BTBD9: variants seen among roughly 807,000 people sequenced by gnomAD.
BTBD9 encodes the protein BTB/POZ domain-containing protein 9.
In BTBD9, 49 loss-of-function variants were observed where a neutral mutation model predicts 64.3. The observed-to-expected ratio is 0.76, with a 90% CI of 0.61 to 0.97. The LOEUF is 0.97. BTBD9 is among the 50% of genes least tolerant of loss of function. BTBD9 has a pLI of 0.00. For missense variants in BTBD9, 598 were observed against 762.1 expected (o/e 0.78, Z 2.53); for synonymous variants, 260 against 274.7 (o/e 0.95, Z 0.53).
At chr6:38,409,028 T>A (rs1767292517) in intron 6 of BTBD9, among the ~76,000 whole-genome samples, 1 of 152,208 alleles carries the variant, frequency 6.6e-6, no homozygotes, top group African/African-American at 2.4e-5. Context: ...GGCAGGTGGA[T>A]CACTTGAGGC....
chr6:38,380,567 T>A (rs1157601654), intron 6 of BTBD9, among the ~76,000 whole-genome samples: 1 of 152,204 alleles, frequency 6.6e-6, no homozygotes, highest in Non-Finnish European at 1.5e-5. Flanking sequence ...AGGTGGCTCA[T>A]GCCTATAATC....
At chr6:38,198,120 C>T (rs1371768129) in intron 9 of BTBD9, among the ~76,000 whole-genome samples, 1 of 152,120 alleles carries the variant, frequency 6.6e-6, no homozygotes, top group Non-Finnish European at 1.5e-5. Context: ...TTTTTATTCT[C>T]TTATGGATTT....
At chr6:38,264,370 A>T (rs534126271) in intron 8 of BTBD9, among the ~76,000 whole-genome samples, 2 of 152,320 alleles carry the variant, frequency 1.3e-5, no homozygotes, top group South Asian at 4.1e-4. Flanking sequence ...ACTGGAGGTC[A>T]TGATGCAAAG....
chr6:38,232,384 C>T (rs1763639106), intron 9 of BTBD9, among the ~76,000 whole-genome samples: 1 of 152,046 alleles, frequency 6.6e-6, no homozygotes, highest in Non-Finnish European at 1.5e-5. Flanking sequence ...CATTCTCCTG[C>T]CTCAGCTTCC....
chr6:38,303,891 G>T (rs1406637393), intron 7 of BTBD9, among the ~76,000 whole-genome samples: 1 of 106,194 alleles, frequency 9.4e-6, no homozygotes. Flanking sequence ...ACACACATGT[G>T]TATATATATA....
intron 6 of BTBD9, among the ~76,000 whole-genome samples, chr6:38,560,467 C>A (rs1199119579): frequency 6.6e-6 from 1 of 152,050 alleles, no homozygotes; most frequent in African/African-American, 2.4e-5. Context: ...TCTTTTTGTA[C>A]ACAAAATATT....
At chr6:38,606,134 G>A (rs1048245022) in intron 1 of BTBD9, among the ~76,000 whole-genome samples, 14 of 152,110 alleles carry the variant, frequency 9.2e-5, no homozygotes, top group South Asian at 6.2e-4. Context: ...AGGGGCTCTC[G>A]GGCCTTTGGC....
chr6:38,558,970 C>T lies in BTBD9; in HGVS notation c.1154+18630G>A, dbSNP rs1270216997. Among the ~76,000 whole-genome samples the T allele has an allele frequency of 2.0e-5, 3 of 152,254 alleles. No individual in the cohort carries two copies. The East Asian group carries it at 5.8e-4, about 29-fold the overall frequency. ...GTAGAATGGGTAGAATGGGAACCAC[C>T]AGCCCTTTTCTGGATAGCTGGTAGA... On this transcript the variant is annotated intron_variant, in intron 6 of 10. Transcript: ENST00000481247.
At chr6:38,281,223 C>T (rs1582158890) in intron 8 of BTBD9, among the ~76,000 whole-genome samples, 1 of 152,124 alleles carries the variant, frequency 6.6e-6, no homozygotes, top group Non-Finnish European at 1.5e-5. Flanking sequence ...AGTGCATGAG[C>T]AACAGTTAGG....
chr6:38,192,591 C>G lies in BTBD9; in HGVS notation c.1569G>C (p.Trp523Cys). 6.2e-7 allele frequency: 1 copy of G among 1,613,560 alleles called. No individual in the cohort carries two copies. Among genetic ancestry groups the G allele is most frequent in the Non-Finnish European group, 8.5e-7 (1 of 1,179,760 alleles). ...ADRTKVSCKS[W>C]QSVTFERQPA... ...GCTGCCTTTCAAAAGTTACTGACTG[C>G]CAGGACCTGTGAGAGGAAACAACCA... The change falls in exon 10 of 11, where the codon TGG (tryptophan) becomes TGC (cysteine). Residue 523 changes from tryptophan to cysteine, a missense_variant. Trp to Cys is a radical substitution (Grantham distance 215, BLOSUM62 -2). Coordinates refer to ENST00000481247, the MANE Select transcript of BTBD9 (RefSeq NM_001099272.2).
chr6:38,490,468 G>A (rs1399246397), intron 6 of BTBD9, among the ~76,000 whole-genome samples: 2 of 151,958 alleles, frequency 1.3e-5, no homozygotes, highest in Admixed American at 6.5e-5. Flanking sequence ...TTACAGGTGT[G>A]CACCACCAGG....
chr6:38,492,547 A>G (rs1457740707), intron 6 of BTBD9, among the ~76,000 whole-genome samples: 1 of 152,224 alleles, frequency 6.6e-6, no homozygotes, highest in African/African-American at 2.4e-5. Context: ...TCATCCTCTC[A>G]TTCATGAATT....
At chr6:38,529,739 T>C (rs954704230) in intron 6 of BTBD9, among the ~76,000 whole-genome samples, 1 of 152,234 alleles carries the variant, frequency 6.6e-6, no homozygotes, top group Non-Finnish European at 1.5e-5. Context: ...AATCCTGTTA[T>C]CTTCATAAGC....
At chr6:38,385,462 T>C (rs1019129558) in intron 6 of BTBD9, among the ~76,000 whole-genome samples, 1 of 152,150 alleles carries the variant, frequency 6.6e-6, no homozygotes, top group African/African-American at 2.4e-5. Flanking sequence ...AGTGCTAGGA[T>C]TATAGGCGTG....
intron 6 of BTBD9, among the ~76,000 whole-genome samples, chr6:38,483,825 C>T (rs1771273692): frequency 6.6e-6 from 1 of 152,218 alleles, no homozygotes; most frequent in South Asian, 2.1e-4. Flanking sequence ...TGGCTCAACT[C>T]ACTTCCTCAG....
intron 6 of BTBD9, among the ~76,000 whole-genome samples, chr6:38,451,548 C>T (rs538988058): frequency 3.9e-5 from 6 of 152,276 alleles, no homozygotes; most frequent in African/African-American, 7.2e-5. Context: ...TATCTTAATA[C>T]TGTTTGAAAA....
intron 6 of BTBD9, among the ~76,000 whole-genome samples, chr6:38,374,281 A>ACT (rs58073365): frequency 1.1e-5 from 1 of 91,456 alleles, no homozygotes; most frequent in Non-Finnish European, 1.9e-5. Flanking sequence ...AAAAAAAAAA[A>ACT]AGTATATATA....
chr6:38,609,169 A>G (rs1434601934), intron 1 of BTBD9, among the ~76,000 whole-genome samples: 3 of 152,206 alleles, frequency 2.0e-5, no homozygotes, highest in Non-Finnish European at 4.4e-5. Flanking sequence ...AAGAGTTTAC[A>G]GCCTGGGCAA....
At chr6:38,552,142 GA>G (rs1489138973) in intron 6 of BTBD9, among the ~76,000 whole-genome samples, 2 of 152,168 alleles carry the variant, frequency 1.3e-5, no homozygotes, top group Non-Finnish European at 2.9e-5. Context: ...AACTGGACTG[GA>G]ACATTTGGCT....
Sources: allele counts gnomAD v4.1 joint callset (sites outside exome capture counted in the v4.1 genomes callset), GRCh38; gene constraint gnomAD v4.1.1; transcripts MANE v1.5; gene names NCBI Gene and HGNC (gene_info 2026-07-23, HGNC 2026-07-21).